The following ADISSP variants were observed in gnomAD, a reference collection of about 807,000 sequenced individuals.
The protein encoded by ADISSP is adipose-secreted signaling protein.
chr20:3,759,961 G>A, the ADISSP span: 34 of 1,427,954 alleles, frequency 2.4e-5, no homozygotes, highest in East Asian at 2.8e-4. The surrounding 1 kb of genome is among the most constrained non-coding windows in gnomAD (Gnocchi z 4.6). Flanking sequence ...CAGCACACAC[G>A]CACTCACACA....
chr20:3,760,188 T>TTGCGGG, the ADISSP span: 1 of 1,154,406 alleles, frequency 8.7e-7, no homozygotes, highest in Non-Finnish European at 1.3e-6. Context: ...AGCGGGAGCC[T>TTGCGGG]GAAGGATAGG....
chr20:3,765,823 A>T, the ADISSP span, among the ~76,000 whole-genome samples: 1 of 152,148 alleles, frequency 6.6e-6, no homozygotes, highest in Non-Finnish European at 1.5e-5. Flanking sequence ...GTCACAAGGA[A>T]GATGTGCAGA....
chr20:3,754,426 A>G, the ADISSP span: 1 of 1,613,980 alleles, frequency 6.2e-7, no homozygotes, highest in South Asian at 1.1e-5. Flanking sequence ...CGTCACGCGC[A>G]CACAGGTGCC....
chr20:3,763,099 T>C, the ADISSP span, among the ~76,000 whole-genome samples: 1 of 142,204 alleles, frequency 7.0e-6, no homozygotes, highest in Non-Finnish European at 1.5e-5. Context: ...CTACTAAAAA[T>C]ACAAAAATCA....
chr20:3,754,313 C>A, the ADISSP span: 1 of 1,544,322 alleles, frequency 6.5e-7, no homozygotes, highest in Non-Finnish European at 8.9e-7. Flanking sequence ...ATCCCTTGTT[C>A]AGCCTTGGTT....
the ADISSP span, among the ~76,000 whole-genome samples, chr20:3,761,773 A>G: frequency 6.6e-6 from 1 of 152,204 alleles, no homozygotes; most frequent in Non-Finnish European, 1.5e-5. Context: ...AGGCAGCCCA[A>G]AGTCACAGCA....
chr20:3,765,514 G>A, the ADISSP span, among the ~76,000 whole-genome samples: 4 of 152,216 alleles, frequency 2.6e-5, no homozygotes, highest in Non-Finnish European at 4.4e-5. Context: ...AACTGTGCCT[G>A]AAGCTCTGTG....
chr20:3,767,752 G>T, the ADISSP span: 1 of 152,510 alleles, frequency 6.6e-6, no homozygotes, highest in Non-Finnish European at 1.5e-5. Context: ...CACGAGGAAG[G>T]GAGCCCCGCG....
chr20:3,759,461 C>G, the ADISSP span, among the ~76,000 whole-genome samples: 1 of 152,136 alleles, frequency 6.6e-6, no homozygotes, highest in Non-Finnish European at 1.5e-5. This position sits in a 1 kb window ranked among gnomAD's most constrained non-coding sequence, Gnocchi z 4.6. Flanking sequence ...GATGAATGCT[C>G]AGGCTGTAGA....
At chr20:3,756,781 A>G in the ADISSP span, among the ~76,000 whole-genome samples, 4 of 152,314 alleles carry the variant, frequency 2.6e-5, no homozygotes, top group Admixed American at 1.3e-4. Flanking sequence ...TGCCCTATTT[A>G]TAACAATGAA....
At chr20:3,754,198 G>A in the ADISSP span, 29 of 1,574,768 alleles carry the variant, frequency 1.8e-5, no homozygotes, top group Admixed American at 1.4e-4. Flanking sequence ...GCTGGCCCCC[G>A]GCCCCACCCA....
chr20:3,767,540 C>G, the ADISSP span: 1 of 152,638 alleles, frequency 6.6e-6, no homozygotes, highest in Non-Finnish European at 1.5e-5. Flanking sequence ...CCCCCCACCC[C>G]AGCCCTGCCA....
At chr20:3,766,582 T>C in the ADISSP span, among the ~76,000 whole-genome samples, 4 of 152,156 alleles carry the variant, frequency 2.6e-5, no homozygotes, top group Non-Finnish European at 5.9e-5. Flanking sequence ...AGCCTCCAGA[T>C]AGCATGCCCC....
chr20:3,763,159 G>C, the ADISSP span, among the ~76,000 whole-genome samples: 1 of 151,564 alleles, frequency 6.6e-6, no homozygotes. Flanking sequence ...AGGAGGCTGA[G>C]GCAGGAGAAT....
chr20:3,758,965 G>A, the ADISSP span, among the ~76,000 whole-genome samples: 4 of 152,190 alleles, frequency 2.6e-5, no homozygotes, highest in Admixed American at 6.5e-5. The surrounding 1 kb of genome is among the most constrained non-coding windows in gnomAD (Gnocchi z 5.5). Flanking sequence ...CCAGAGCCAG[G>A]AAGGGACAGT....
chr20:3,757,159 G>A, the ADISSP span, among the ~76,000 whole-genome samples: 1 of 152,092 alleles, frequency 6.6e-6, no homozygotes, highest in Non-Finnish European at 1.5e-5. Flanking sequence ...GACCATCCTG[G>A]CCAACAGAGT....
At chr20:3,760,093 G>A in the ADISSP span, 1 of 1,612,176 alleles carries the variant, frequency 6.2e-7, no homozygotes, top group East Asian at 2.2e-5. Flanking sequence ...CTTGTTGGCT[G>A]CAGCCATGGA....
chr20:3,753,770 C>A, the ADISSP span: 2 of 489,150 alleles, frequency 4.1e-6, no homozygotes, highest in Admixed American at 7.3e-5. Flanking sequence ...AGTGGGGGAC[C>A]CACCCCAGGC....
At chr20:3,759,894 G>T in the ADISSP span, 2 of 950,772 alleles carry the variant, frequency 2.1e-6, no homozygotes, top group Non-Finnish European at 3.3e-6. The surrounding 1 kb of genome is among the most constrained non-coding windows in gnomAD (Gnocchi z 4.6). Context: ...GCTAGGGCTT[G>T]CGTGAGCCCC....
Sources: gnomAD v4.1 joint callset for allele counts (sites outside exome capture counted in the v4.1 genomes callset) on GRCh38, gnomAD v4.1.1 for gene constraint, Gnocchi (gnomAD v3.1) non-coding constraint, MANE v1.5 for transcripts, NCBI Gene and HGNC (gene_info 2026-07-23, HGNC 2026-07-21) for gene names.